The following VPS13A variants were observed in gnomAD, a reference collection of about 807,000 sequenced individuals.
VPS13A encodes vacuolar protein sorting 13 homolog A.
Under a neutral mutation model 390.9 loss-of-function variants are expected in VPS13A, and 264 were observed. The observed-to-expected ratio is 0.68, with a 90% CI of 0.61 to 0.75. The LOEUF (loss-of-function observed/expected upper bound fraction) is 0.75, where lower values mean the gene tolerates loss of function less well. Among genes scored for constraint, VPS13A ranks in the 30% least tolerant of loss-of-function variants. The pLI is 0.00. For synonymous variants in VPS13A, 1,231 were observed against 1,227.1 expected (o/e 1.00, Z -0.07); for missense variants, 3,409 against 3,733.9 (o/e 0.91, Z 2.27).
intron 26 of VPS13A, among the ~76,000 whole-genome samples, chr9:77,277,133 A>G (rs769558682): frequency 1.3e-5 from 2 of 152,082 alleles, no homozygotes; most frequent in Non-Finnish European, 2.9e-5. Context: ...CTTCATTTAC[A>G]TTTTTTGGAT....
At chr9:77,283,266 G>T (rs997115465) in intron 29 of VPS13A, 89 bp from the exon 30 acceptor site, 12 of 766,046 alleles carry the variant, frequency 1.6e-5, no homozygotes, top group Admixed American at 6.6e-5. Context: ...ATCACTATTT[G>T]TGGTGATATT....
At chr9:77,273,444 C>T in intron 24 of VPS13A, 80 bp downstream of exon 24, 2 of 1,151,738 alleles carry the variant, frequency 1.7e-6, no homozygotes, top group East Asian at 5.2e-5. Flanking sequence ...TCTCAAAGGA[C>T]CACACAGAGG....
rs542440654 is a variant in VPS13A at position 77,219,498 on chromosome 9, C to T, written c.755-456C>T. ...CAGAGCAAACTTTCACTCTTCATCT[C>T]TCTCCTTTTACCAATTAAAAGGAAG... On this transcript the variant is annotated intron_variant, in intron 10 of 71. Coordinates refer to ENST00000360280, the MANE Select transcript of VPS13A (RefSeq NM_033305.3). Among the ~76,000 whole-genome samples, 11 of 152,224 alleles carry T rather than the reference C, an allele frequency of 7.2e-5. No individual in the cohort carries two copies. In the East Asian group the frequency reaches 2.1e-3, roughly 29 times the overall value.
rs149101345 is a variant in VPS13A at position 77,376,899 on chromosome 9, A to G, written c.9078-5077A>G. 4.4e-3 allele frequency among the ~76,000 whole-genome samples: 676 copies of G among 152,292 alleles called. 7 individuals carry two copies. Among genetic ancestry groups the G allele is most frequent in the African/African-American group, 0.016 (654 of 41,564 alleles). Reference sequence around the variant, plus strand: ...ACACCAACTCTTAGAAGTTGGGGAAATGAGGAAGACCCAGAAAAGGAGGCT... The same window carrying G: ...ACACCAACTCTTAGAAGTTGGGGAAGTGAGGAAGACCCAGAAAAGGAGGCT... On this transcript the variant is annotated intron_variant, in intron 67 of 71. Transcript: ENST00000360280.
chr9:77,348,861 A>G (rs1022627255), intron 52 of VPS13A, among the ~76,000 whole-genome samples: 1 of 152,216 alleles, frequency 6.6e-6, no homozygotes, highest in Non-Finnish European at 1.5e-5. Context: ...ACGTTTTTGC[A>G]TAAGGAATAC....
At chr9:77,347,325 G>A (rs1361908702) in intron 52 of VPS13A, among the ~76,000 whole-genome samples, 3 of 152,060 alleles carry the variant, frequency 2.0e-5, no homozygotes, top group Non-Finnish European at 4.4e-5. Flanking sequence ...AGCATGAGAT[G>A]TGTTTCCATT....
At chr9:77,180,884 T>C (rs1823974034) in intron 1 of VPS13A, among the ~76,000 whole-genome samples, 1 of 152,140 alleles carries the variant, frequency 6.6e-6, no homozygotes, top group Non-Finnish European at 1.5e-5. Context: ...AACAAATAAT[T>C]TAAAAAATAA....
At chr9:77,266,604 C>A (rs1206481116) in intron 23 of VPS13A, among the ~76,000 whole-genome samples, 1 of 152,062 alleles carries the variant, frequency 6.6e-6, no homozygotes, top group Non-Finnish European at 1.5e-5. Context: ...TTTTTTCTTT[C>A]ATTTCAACCT....
At chr9:77,299,294 A>G (rs1828198548) in intron 33 of VPS13A, among the ~76,000 whole-genome samples, 1 of 152,282 alleles carries the variant, frequency 6.6e-6, no homozygotes, top group South Asian at 2.1e-4. Flanking sequence ...AATTCTGTGA[A>G]GAAAGTCAGT....
chr9:77,197,780 C>A lies in VPS13A; in HGVS notation c.101-2165C>A, dbSNP rs1825087957. On this transcript the variant is annotated intron_variant, in intron 1 of 71. Coordinates refer to ENST00000360280, the MANE Select transcript of VPS13A (RefSeq NM_033305.3). The stretch of plus-strand genomic sequence containing the variant: ...TTTATACAATATTTTAAATAATTTT[C>A]TGCATGAAACAAAGCTTGTGTACCT... Among the ~76,000 whole-genome samples, 3 of 152,292 alleles carry A rather than the reference C, an allele frequency of 2.0e-5. No individual in the cohort carries two copies. The South Asian group carries it at 6.2e-4, about 32-fold the overall frequency.
intron 46 of VPS13A, among the ~76,000 whole-genome samples, chr9:77,334,583 C>T (rs1563933506): frequency 6.6e-6 from 1 of 152,134 alleles, no homozygotes; most frequent in African/African-American, 2.4e-5. Flanking sequence ...CTACTCTAAA[C>T]ATATGTTTTT....
intron 71 of VPS13A, among the ~76,000 whole-genome samples, chr9:77,414,874 G>T (rs1299152509): frequency 6.6e-6 from 1 of 152,084 alleles, no homozygotes; most frequent in Non-Finnish European, 1.5e-5. Context: ...ACTCTGCGTT[G>T]ATCCTGGCTG....
At chr9:77,184,042 G>A (rs1589963565) in intron 1 of VPS13A, among the ~76,000 whole-genome samples, 1 of 152,276 alleles carries the variant, frequency 6.6e-6, no homozygotes, top group Admixed American at 6.5e-5. Context: ...TATCATTAGA[G>A]TGCAATATTT....
At chr9:77,413,361 C>G (rs1835025893) in intron 71 of VPS13A, among the ~76,000 whole-genome samples, 2 of 152,144 alleles carry the variant, frequency 1.3e-5, no homozygotes, top group Non-Finnish European at 2.9e-5. Flanking sequence ...CTACAGTAAC[C>G]AAAACAGCAT....
intron 57 of VPS13A, 91 bp from the exon 58 acceptor site, chr9:77,359,242 A>C (rs1831993533): frequency 2.9e-6 from 3 of 1,032,104 alleles, no homozygotes; most frequent in Non-Finnish European, 4.4e-6. Flanking sequence ...TTAGTAAATG[A>C]TTTAATTTTC....
chr9:77,322,695 A>G (rs538114752), intron 44 of VPS13A, among the ~76,000 whole-genome samples: 1 of 152,166 alleles, frequency 6.6e-6, no homozygotes, highest in East Asian at 1.9e-4. Flanking sequence ...GTTGTTGGAA[A>G]AATTAAAAAC....
intron 2 of VPS13A, 50 bp downstream of exon 2, chr9:77,200,038 A>G (rs768368639): frequency 9.8e-6 from 14 of 1,425,382 alleles, no homozygotes; most frequent in South Asian, 7.4e-5. Flanking sequence ...TTAATTATGT[A>G]TAATTCTTCC....
intron 33 of VPS13A, 97 bp downstream of exon 33, chr9:77,295,943 A>G (rs1827971461): frequency 8.1e-7 from 1 of 1,233,516 alleles, no homozygotes; most frequent in Non-Finnish European, 1.1e-6. Flanking sequence ...GTGAGATTTT[A>G]TTTTATTAAT....
At chr9:77,408,180 A>C (rs760010275) in intron 71 of VPS13A, among the ~76,000 whole-genome samples, 1 of 152,262 alleles carries the variant, frequency 6.6e-6, no homozygotes, top group Non-Finnish European at 1.5e-5. Flanking sequence ...TATGGCAATC[A>C]ATCACAAGGA....
Sources: gnomAD v4.1 joint callset for allele counts (sites outside exome capture counted in the v4.1 genomes callset) on GRCh38, gnomAD v4.1.1 for gene constraint, MANE v1.5 for transcripts, NCBI Gene and HGNC (gene_info 2026-07-23, HGNC 2026-07-21) for gene names.